The following MAD1L1 variants were observed in gnomAD, a reference collection of about 807,000 sequenced individuals.
The protein encoded by MAD1L1 is mitotic spindle assembly checkpoint protein MAD1.
MAD1L1 carries 95 observed loss-of-function variants against 96.9 expected under a neutral mutation model. The ratio of observed to expected loss-of-function variants is 0.98; its 90% CI spans 0.83 to 1.16. The LOEUF is 1.16. MAD1L1 is among the 50% of genes most tolerant of loss of function. The pLI, the probability that MAD1L1 is intolerant of heterozygous loss-of-function variation, is 0.00. For missense variants in MAD1L1, 1,007 were observed against 954.4 expected (o/e 1.06, Z -0.73); for synonymous variants, 473 against 396.6 (o/e 1.19, Z -2.29).
intron 10 of MAD1L1, among the ~76,000 whole-genome samples, chr7:2,212,651 A>G (rs1239085098): frequency 6.6e-6 from 1 of 152,078 alleles, no homozygotes; most frequent in Non-Finnish European, 1.5e-5. Context: ...TTCCGCCATG[A>G]CTGAAAGCTC....
rs1245707695 is a variant in MAD1L1 at position 1,827,618 on chromosome 7, C to T, written c.1999-11390G>A. On this transcript the variant is annotated intron_variant, in intron 18 of 18. Coordinates refer to ENST00000265854, the MANE Select transcript of MAD1L1 (RefSeq NM_001013836.2). ...CCCGTCCCGGGTGTGGGGTCCTCCC[C>T]TCCTGAGCCCCGCCCGGGTGTGGGG... is the stretch of plus-strand genomic sequence containing the variant. Among the ~76,000 whole-genome samples the T allele has an allele frequency of 2.5e-3, 288 of 114,468 alleles. 27 individuals carry two copies. The highest frequency in any genetic ancestry group is 8.1e-3 in the African/African-American group (237 of 29,420). The allele number at this position is 114,468 out of a possible 152,430, so 75.1% of individuals were successfully genotyped here.
chr7:2,008,698 A>G (rs188127791), intron 13 of MAD1L1, among the ~76,000 whole-genome samples: 1 of 152,220 alleles, frequency 6.6e-6, no homozygotes, highest in African/African-American at 2.4e-5. Flanking sequence ...GGGTGCAGAC[A>G]CACAGGAAGC....
chr7:2,113,233 G>A (rs1787476395), intron 11 of MAD1L1, among the ~76,000 whole-genome samples: 1 of 152,254 alleles, frequency 6.6e-6, no homozygotes. Context: ...ATGGTGACAA[G>A]CCCCGCAGCT....
chr7:2,033,446 C>T (rs1288557261), intron 12 of MAD1L1, among the ~76,000 whole-genome samples: 1 of 152,260 alleles, frequency 6.6e-6, no homozygotes, highest in Admixed American at 6.5e-5. Context: ...GCCACACCAA[C>T]ACCTCCGTGG....
intron 12 of MAD1L1, among the ~76,000 whole-genome samples, chr7:2,029,154 T>C (rs149040418): frequency 1.3e-5 from 2 of 152,320 alleles, no homozygotes; most frequent in Non-Finnish European, 2.9e-5. Flanking sequence ...GAAATACAAA[T>C]ACCTAACAAA....
chr7:1,928,782 G>T (rs932400523), intron 17 of MAD1L1, among the ~76,000 whole-genome samples: 3 of 152,190 alleles, frequency 2.0e-5, no homozygotes, highest in Non-Finnish European at 2.9e-5. Context: ...CCTGTGCCAC[G>T]TGAGAGCTGG....
At chr7:2,195,424 T>A (rs1042964890) in intron 10 of MAD1L1, among the ~76,000 whole-genome samples, 2 of 152,094 alleles carry the variant, frequency 1.3e-5, no homozygotes, top group African/African-American at 4.8e-5. Context: ...GCAGGAAAAG[T>A]AAAAACTAGA....
intron 10 of MAD1L1, chr7:2,202,115 C>A: frequency 6.5e-6 from 1 of 152,772 alleles, no homozygotes; most frequent in Non-Finnish European, 1.5e-5. Flanking sequence ...GGCACAGAGA[C>A]GCCCTCGCTC....
At chr7:2,065,059 A>G (rs1266142253) in intron 12 of MAD1L1, among the ~76,000 whole-genome samples, 1 of 152,186 alleles carries the variant, frequency 6.6e-6, no homozygotes, top group Non-Finnish European at 1.5e-5. Context: ...TTTCAGGAGG[A>G]CAGCAGATTC....
At chr7:2,173,112 G>T (rs1790786352) in intron 10 of MAD1L1, among the ~76,000 whole-genome samples, 1 of 152,222 alleles carries the variant, frequency 6.6e-6, no homozygotes, top group Non-Finnish European at 1.5e-5. Context: ...ACTCCACTCT[G>T]CATCTCCTGG....
chr7:2,151,450 T>C (rs1364924872), intron 10 of MAD1L1, among the ~76,000 whole-genome samples: 4 of 152,174 alleles, frequency 2.6e-5, no homozygotes, highest in East Asian at 3.9e-4. Flanking sequence ...GGAGAGGCAT[T>C]TGGCAGGCAG....
chr7:1,935,584 G>A (rs1943107634), intron 17 of MAD1L1, among the ~76,000 whole-genome samples: 1 of 152,214 alleles, frequency 6.6e-6, no homozygotes, highest in South Asian at 2.1e-4. Flanking sequence ...AAGGAGCGGG[G>A]CAGAGGACAA....
intron 18 of MAD1L1, among the ~76,000 whole-genome samples, chr7:1,852,611 A>C (rs1784037282): frequency 6.6e-6 from 1 of 152,148 alleles, no homozygotes; most frequent in Non-Finnish European, 1.5e-5. Flanking sequence ...GAAGTATAAC[A>C]GCCCCAGGTG....
At chr7:1,917,564 G>A (rs866118497) in intron 17 of MAD1L1, among the ~76,000 whole-genome samples, 16 of 152,252 alleles carry the variant, frequency 1.1e-4, no homozygotes, top group Admixed American at 5.9e-4. Flanking sequence ...AGGTTTAAAT[G>A]CAACTGTGAA....
chr7:2,015,693 C>A (rs1161699535), intron 12 of MAD1L1, among the ~76,000 whole-genome samples: 1 of 152,234 alleles, frequency 6.6e-6, no homozygotes, highest in Non-Finnish European at 1.5e-5. Flanking sequence ...AGGCTGGCGA[C>A]CTTCTCCTGC....
intron 12 of MAD1L1, among the ~76,000 whole-genome samples, chr7:2,023,580 G>C (rs1433444811): frequency 1.3e-5 from 2 of 152,100 alleles, no homozygotes; most frequent in African/African-American, 2.4e-5. Flanking sequence ...AAAAAAAGAA[G>C]GATCTAAAAT....
chr7:2,007,544 C>T (rs1311104557), intron 13 of MAD1L1, among the ~76,000 whole-genome samples: 2 of 152,162 alleles, frequency 1.3e-5, no homozygotes, highest in Non-Finnish European at 2.9e-5. Context: ...TGTGGTGGTG[C>T]ATGCCTGTAG....
At chr7:1,984,975 T>C (rs186241319) in intron 14 of MAD1L1, among the ~76,000 whole-genome samples, 3 of 152,360 alleles carry the variant, frequency 2.0e-5, no homozygotes, top group Admixed American at 1.3e-4. Flanking sequence ...TTCACACCGA[T>C]ACTTTCCTAC....
intron 12 of MAD1L1, among the ~76,000 whole-genome samples, chr7:2,039,291 A>G (rs1480389915): frequency 1.3e-5 from 2 of 152,216 alleles, no homozygotes; most frequent in African/African-American, 4.8e-5. Context: ...AATTCTTTCC[A>G]GTTTTTGGCC....
Sources: allele counts gnomAD v4.1 joint callset (sites outside exome capture counted in the v4.1 genomes callset), GRCh38; gene constraint gnomAD v4.1.1; transcripts MANE v1.5; gene names NCBI Gene and HGNC (gene_info 2026-07-23, HGNC 2026-07-21).